Variants in ARHGAP15 observed in about 807,000 individuals in gnomAD.
The protein encoded by ARHGAP15 is rho GTPase-activating protein 15.
ARHGAP15 carries 51 observed loss-of-function variants against 63.7 expected under a neutral mutation model. The ratio of observed to expected loss-of-function variants is 0.80; its 90% confidence interval spans 0.64 to 1.01. The LOEUF is 1.01. Among genes scored for constraint, ARHGAP15 ranks in the 50% least tolerant of loss-of-function variants. ARHGAP15 has a pLI of 0.00. For missense variants in ARHGAP15, 560 were observed against 564.6 expected, an observed-to-expected ratio of 0.99 and a Z score of 0.08; for synonymous variants, 191 against 193.8, an observed-to-expected ratio of 0.99 and a Z score of 0.12.
At chr2:143,306,144 A>T (rs995821480) in intron 6 of ARHGAP15, among the ~76,000 whole-genome samples, 2 of 152,152 alleles carry the variant, frequency 1.3e-5, no homozygotes, top group African/African-American at 4.8e-5. Flanking sequence ...TGAATTTCTT[A>T]TATAAGGATA....
intron 9 of ARHGAP15, among the ~76,000 whole-genome samples, chr2:143,507,806 C>T (rs188510913): frequency 6.6e-5 from 10 of 152,272 alleles, no homozygotes; most frequent in African/African-American, 2.2e-4. Flanking sequence ...CCGCTTTCTA[C>T]TCTGTCTCTT....
At chr2:143,663,827 A>G (rs1681982214) in intron 12 of ARHGAP15, among the ~76,000 whole-genome samples, 1 of 152,208 alleles carries the variant, frequency 6.6e-6, no homozygotes, top group Non-Finnish European at 1.5e-5. Context: ...GAAGGCCATT[A>G]CATAATGGTA....
chr2:143,551,598 CTA>C (rs914499436), intron 10 of ARHGAP15, among the ~76,000 whole-genome samples: 5 of 151,740 alleles, frequency 3.3e-5, no homozygotes, highest in African/African-American at 4.8e-5. Context: ...GCAAAAAAAA[CTA>C]TATATTTTTA....
intron 6 of ARHGAP15, among the ~76,000 whole-genome samples, chr2:143,404,233 A>C (rs1246618247): frequency 6.6e-6 from 1 of 151,276 alleles, no homozygotes; most frequent in Non-Finnish European, 1.5e-5. Context: ...CAGGCAAAGG[A>C]GATGGAGAAA....
chr2:143,285,428 CTTTG>C (rs778795167), intron 6 of ARHGAP15, among the ~76,000 whole-genome samples: 6 of 152,134 alleles, frequency 3.9e-5, no homozygotes, highest in Middle Eastern at 6.8e-3. Context: ...GAAACTTGTA[CTTTG>C]TTTGCTTTAG....
Position 143,467,346 on chromosome 2 carries a change from A to G in ARHGAP15, c.704-20027A>G, listed in dbSNP as rs147403875. ...ATTTACCTTGTCTGAAAAAAAAGTT[A>G]GTAGTTACATATGTGGCAAATATTG... On this transcript the variant is annotated intron_variant, in intron 8 of 13. Transcript: ENST00000295095. Among the ~76,000 whole-genome samples the G allele has an allele frequency of 3.4e-3, 484 of 140,450 alleles. 1 individual carries two copies. Among genetic ancestry groups the G allele is most frequent in the Non-Finnish European group, 5.3e-3 (349 of 66,090 alleles). The allele number at this position is 140,450 out of a possible 152,430, so 92.1% of individuals were successfully genotyped here. A position where few individuals can be genotyped will look rare whatever the true frequency, so the allele number is the denominator to read the frequency against.
At chr2:143,260,974 A>G (rs1419272565) in intron 6 of ARHGAP15, among the ~76,000 whole-genome samples, 2 of 152,154 alleles carry the variant, frequency 1.3e-5, no homozygotes, top group African/African-American at 4.8e-5. Flanking sequence ...TAAGTATAAA[A>G]TTTCAACTAA....
chr2:143,207,054 A>C (rs1869013), intron 3 of ARHGAP15, among the ~76,000 whole-genome samples: 25,782 of 151,396 alleles, frequency 0.17, 2,393 homozygotes, highest in Middle Eastern at 0.24. Flanking sequence ...TTATTTAAAA[A>C]ATTAATTTTT....
chr2:143,238,532 G>A (rs1693743099), intron 5 of ARHGAP15, among the ~76,000 whole-genome samples: 1 of 152,042 alleles, frequency 6.6e-6, no homozygotes, highest in African/African-American at 2.4e-5. Flanking sequence ...TTATTAAAAA[G>A]CCAAAAAACA....
chr2:143,149,165 C>T (rs985053415), intron 1 of ARHGAP15, among the ~76,000 whole-genome samples: 3 of 152,030 alleles, frequency 2.0e-5, no homozygotes, highest in Non-Finnish European at 4.4e-5. Flanking sequence ...GGAGAAACAG[C>T]TCCTCTAATA....
chr2:143,245,676 A>G (rs1574145607), intron 5 of ARHGAP15, among the ~76,000 whole-genome samples: 2 of 151,270 alleles, frequency 1.3e-5, no homozygotes, highest in Non-Finnish European at 2.9e-5. Flanking sequence ...GACACAATCT[A>G]TTTGAGGGGG....
chr2:143,627,152 GT>G (rs1698865563), intron 12 of ARHGAP15, among the ~76,000 whole-genome samples: 1 of 152,176 alleles, frequency 6.6e-6, no homozygotes, highest in South Asian at 2.1e-4. Flanking sequence ...GGAAATTTCT[GT>G]TGTTTATGAA....
At chr2:143,473,814 C>T (rs1691690496) in intron 8 of ARHGAP15, among the ~76,000 whole-genome samples, 1 of 152,076 alleles carries the variant, frequency 6.6e-6, no homozygotes, top group African/African-American at 2.4e-5. Context: ...TTTCCAATTC[C>T]TCCAGTCTTA....
At chr2:143,581,976 C>T (rs1399385025) in intron 11 of ARHGAP15, among the ~76,000 whole-genome samples, 2 of 152,146 alleles carry the variant, frequency 1.3e-5, no homozygotes, top group Admixed American at 6.6e-5. Context: ...GTGATAAGTG[C>T]CATTTAGCAC....
At chr2:143,673,758 G>GTGTGTGTGTATATATATATATATATATA (rs1553520615) in intron 12 of ARHGAP15, among the ~76,000 whole-genome samples, 1 of 22,128 alleles carries the variant, frequency 4.5e-5, no homozygotes, top group Non-Finnish European at 1.4e-4. Context: ...GTGTGTGTGT[G>GTGTGTGTGTATATATATATATATATATA]TATATATATA....
At chr2:143,245,252 G>C (rs1031631588) in intron 5 of ARHGAP15, among the ~76,000 whole-genome samples, 4 of 152,118 alleles carry the variant, frequency 2.6e-5, no homozygotes, top group Non-Finnish European at 4.4e-5. Context: ...TTAGAAAGTG[G>C]GAAGAGGAAG....
At chr2:143,178,977 G>C (rs1249388565) in intron 2 of ARHGAP15, among the ~76,000 whole-genome samples, 1 of 152,202 alleles carries the variant, frequency 6.6e-6, no homozygotes, top group Non-Finnish European at 1.5e-5. Context: ...TAAAATCCTA[G>C]AGGTAAAGCC....
chr2:143,196,817 CAAAAT>C (rs1349763574), intron 2 of ARHGAP15, among the ~76,000 whole-genome samples: 2 of 151,660 alleles, frequency 1.3e-5, no homozygotes, highest in Non-Finnish European at 3.0e-5. Context: ...CATTTGGAAA[CAAAAT>C]AAAAGAGACA....
intron 11 of ARHGAP15, among the ~76,000 whole-genome samples, chr2:143,571,373 T>A (rs954752780): frequency 6.6e-6 from 1 of 152,208 alleles, no homozygotes; most frequent in Non-Finnish European, 1.5e-5. Context: ...TCTAAAGCAC[T>A]TGAAATGCTA....
Sources: allele counts gnomAD v4.1 joint callset (sites outside exome capture counted in the v4.1 genomes callset), GRCh38; gene constraint gnomAD v4.1.1; transcripts MANE v1.5; gene names NCBI Gene and HGNC (gene_info 2026-07-23, HGNC 2026-07-21).